ARAP2: variants seen among roughly 807,000 people sequenced by gnomAD.
The protein encoded by ARAP2 is ArfGAP with RhoGAP domain, ankyrin repeat and PH domain 2.
ARAP2 carries 148 observed loss-of-function variants against 194.5 expected under a neutral mutation model. The ratio of observed to expected loss-of-function variants is 0.76; its 90% CI spans 0.67 to 0.87. The LOEUF (loss-of-function observed/expected upper bound fraction) is 0.87, where lower values mean the gene tolerates loss of function less well. Among genes scored for constraint, ARAP2 ranks in the 40% least tolerant of loss-of-function variants. The probability of loss-of-function intolerance (pLI) is 0.00; values close to 1 mark genes in which losing one functional copy is unlikely to be tolerated. For missense variants in ARAP2, 2,128 were observed against 1,989.7 expected (o/e 1.07, Z -1.32); for synonymous variants, 695 against 683.5 (o/e 1.02, Z -0.26).
intron 15 of ARAP2, among the ~76,000 whole-genome samples, chr4:36,152,652 C>G (rs944177348): frequency 7.0e-6 from 1 of 141,860 alleles, no homozygotes; most frequent in Non-Finnish European, 1.5e-5. Context: ...GGAGGTAAGC[C>G]CCCCCACCAT....
chr4:36,075,968 A>C (rs1028736692), intron 31 of ARAP2, among the ~76,000 whole-genome samples: 4 of 152,128 alleles, frequency 2.6e-5, no homozygotes, highest in Admixed American at 6.6e-5. Context: ...CTTACACTTC[A>C]AAAACCCTGC....
intron 10 of ARAP2, among the ~76,000 whole-genome samples, chr4:36,165,574 C>A (rs76730997): frequency 6.9e-6 from 1 of 144,234 alleles, no homozygotes; most frequent in East Asian, 2.0e-4. Context: ...AGAATAGATT[C>A]TTTTTTTTTT....
chr4:36,043,063 A>G (rs1848930), intron 5 of ARAP2, among the ~76,000 whole-genome samples: 88,251 of 151,782 alleles, frequency 0.58, 26,834 homozygotes, highest in Non-Finnish European at 0.67. Flanking sequence ...GGCTGGTCTC[A>G]AACTCCTGAC....
At chr4:36,077,503 A>C (rs1560378245) in intron 31 of ARAP2, among the ~76,000 whole-genome samples, 1 of 151,598 alleles carries the variant, frequency 6.6e-6, no homozygotes, top group Admixed American at 6.6e-5. Context: ...GTGACAAGGA[A>C]CTCTAGGGTA....
rs1735426482 is a variant in ARAP2, at chr4:36,166,964, A to C, written c.1941T>G (p.Ser647=). 6.2e-7 allele frequency: 1 copy of C among 1,607,344 alleles called. No homozygotes were observed. Among genetic ancestry groups the C allele is most frequent in the African/African-American group, 1.3e-5 (1 of 74,658 alleles). The change falls in exon 10 of 33, where the codon TCT becomes TCG. Residue 647 remains serine (S), a synonymous_variant. Transcript: ENST00000303965. The part of the protein sequence containing the change: ...VKQVDRTVKQ[S]FEIITPYRSF... Reference sequence around the variant, plus strand: ...TCCTGTAGGGAGTGATTATTTCAAAAGATTGTTTCACAGTTCGGTCCACTT... The same window carrying C: ...TCCTGTAGGGAGTGATTATTTCAAACGATTGTTTCACAGTTCGGTCCACTT...
rs1404822780 is a variant in ARAP2, at chr4:36,073,731, T to C, written c.4701A>G (p.Ile1567Met). Residue 1567 changes from isoleucine (I) to methionine (M), a missense_variant, in exon 32 of 33, where the codon ATA (isoleucine) becomes ATG (methionine). Physicochemically the swap from Ile to Met is conservative, Grantham distance 10. Transcript: ENST00000303965. ...PKIGGLPLIP[I>M]QHEGNATLAR... Reference sequence around the variant, plus strand: ...CCAAGGTTGCATTCCCCTCATGCTGTATAGGAATCAGAGGCAAACCTCCAA... The same window carrying C: ...CCAAGGTTGCATTCCCCTCATGCTGCATAGGAATCAGAGGCAAACCTCCAA... The C allele has an allele frequency of 1.2e-6, 2 of 1,613,222 alleles. No homozygotes were observed. Among genetic ancestry groups the C allele is most frequent in the Non-Finnish European group, 1.7e-6 (2 of 1,179,430 alleles).
intron 9 of ARAP2, among the ~76,000 whole-genome samples, chr4:36,177,003 T>C (rs1319932741): frequency 2.0e-5 from 3 of 151,924 alleles, no homozygotes; most frequent in Non-Finnish European, 2.9e-5. Context: ...GCATCTAATA[T>C]ATTCTAGGCT....
intron 6 of ARAP2, 116 bp from the exon 7 acceptor site, chr4:36,193,763 CAACAA>C: frequency 1.4e-6 from 1 of 739,598 alleles, no homozygotes; most frequent in Non-Finnish European, 2.1e-6. Context: ...ACACCATAGA[CAACAA>C]TAGGCTATGA....
chr4:36,191,150 T>C (rs1246655827), intron 7 of ARAP2, among the ~76,000 whole-genome samples: 1 of 152,190 alleles, frequency 6.6e-6, no homozygotes, highest in Non-Finnish European at 1.5e-5. Flanking sequence ...GTGATCTGTT[T>C]CCAAATTTTA....
chr4:36,166,897 G>T (rs990950792), intron 10 of ARAP2, 35 bp downstream of exon 10: 1 of 1,343,982 alleles, frequency 7.4e-7, no homozygotes, highest in African/African-American at 1.5e-5. Context: ...CTTTCCTATA[G>T]TAGTACGAAC....
chr4:36,242,797 C>A (rs1753773011), intron 1 of ARAP2, among the ~76,000 whole-genome samples: 1 of 152,174 alleles, frequency 6.6e-6, no homozygotes, highest in African/African-American at 2.4e-5. Flanking sequence ...CACAAGCACA[C>A]ACCCATATAA....
chr4:36,136,578 A>G (rs1726767908), intron 19 of ARAP2, among the ~76,000 whole-genome samples: 1 of 151,884 alleles, frequency 6.6e-6, no homozygotes. Context: ...TAAAAAATAA[A>G]TATGCTCATA....
intron 27 of ARAP2, among the ~76,000 whole-genome samples, chr4:36,099,886 AAT>A (rs545947628): frequency 1.1e-3 from 168 of 152,208 alleles, no homozygotes; most frequent in African/African-American, 3.8e-3. Context: ...TTGTTTAATT[AAT>A]GGAGGGAGGA....
At chr4:36,162,566 G>A (rs1367701834) in intron 11 of ARAP2, among the ~76,000 whole-genome samples, 4 of 141,482 alleles carry the variant, frequency 2.8e-5, no homozygotes, top group Non-Finnish European at 6.1e-5. Context: ...AACAACGAAT[G>A]TTCATTCCTT....
intron 27 of ARAP2, among the ~76,000 whole-genome samples, chr4:36,099,770 A>G (rs781616764): frequency 1.4e-4 from 21 of 152,066 alleles, no homozygotes; most frequent in Non-Finnish European, 2.5e-4. Flanking sequence ...CTAAATCTCA[A>G]TTCTCTTATC....
At chr4:36,073,850 G>A (rs1017490994) in intron 31 of ARAP2, 27 bp from the exon 32 acceptor site, 4 of 1,611,044 alleles carry the variant, frequency 2.5e-6, no homozygotes, top group Non-Finnish European at 2.5e-6. Flanking sequence ...TCTTGCTGTT[G>A]GTGTGTGATT....
intron 29 of ARAP2, among the ~76,000 whole-genome samples, chr4:36,082,629 G>A (rs1474771538): frequency 6.6e-6 from 1 of 152,154 alleles, no homozygotes; most frequent in Non-Finnish European, 1.5e-5. Context: ...TAAAGAACAT[G>A]CCTATTAAAA....
At chr4:36,008,343 C>T (rs1298512487) in intron 9 of ARAP2, among the ~76,000 whole-genome samples, 6 of 151,986 alleles carry the variant, frequency 3.9e-5, no homozygotes, top group African/African-American at 1.4e-4. Flanking sequence ...CAAAAACACA[C>T]ATATAGACCA....
At chr4:36,123,805 T>C (rs1329860688) in intron 22 of ARAP2, among the ~76,000 whole-genome samples, 1 of 151,828 alleles carries the variant, frequency 6.6e-6, no homozygotes, top group Non-Finnish European at 1.5e-5. Flanking sequence ...GCCAGCCAAC[T>C]ATAACTCTGT....
Sources: allele counts gnomAD v4.1 joint callset (sites outside exome capture counted in the v4.1 genomes callset), GRCh38; gene constraint gnomAD v4.1.1; transcripts MANE v1.5; gene names NCBI Gene and HGNC (gene_info 2026-07-23, HGNC 2026-07-21).